The following RREB1 variants were observed in gnomAD, a reference collection of about 807,000 sequenced individuals.
RREB1 encodes the protein ras-responsive element-binding protein 1.
Under a neutral mutation model 117.8 loss-of-function variants are expected in RREB1, and 27 were observed. That is an observed-to-expected ratio of 0.23 (90% CI 0.17 to 0.32). The LOEUF (loss-of-function observed/expected upper bound fraction) is 0.32. Among genes scored for constraint, RREB1 ranks in the 10% least tolerant of loss-of-function variants. RREB1 has a pLI of 1.00. For synonymous variants in RREB1, 1,298 were observed against 1,026.7 expected (o/e 1.26, Z -5.05); for missense variants, 2,577 against 2,378.2 (o/e 1.08, Z -1.74).
At chr6:7,117,136 T>C (rs1220098002) in intron 1 of RREB1, among the ~76,000 whole-genome samples, 1 of 152,238 alleles carries the variant, frequency 6.6e-6, no homozygotes, top group Non-Finnish European at 1.5e-5. Flanking sequence ...TGTCTGTGTA[T>C]GTGCAGTATA....
chr6:7,140,216 G>C (rs1321908035), intron 1 of RREB1, among the ~76,000 whole-genome samples: 1 of 152,158 alleles, frequency 6.6e-6, no homozygotes, highest in Non-Finnish European at 1.5e-5. Context: ...TGATTGGCAA[G>C]GCAAGTGACT....
chr6:7,146,289 A>T (rs764248399), intron 1 of RREB1, among the ~76,000 whole-genome samples: 3 of 151,980 alleles, frequency 2.0e-5, no homozygotes, highest in Non-Finnish European at 1.5e-5. Context: ...CATGTAACAT[A>T]GGCCCCATTC....
At position 7,230,531 on chromosome 6, in the gene RREB1, A is replaced by G. The variant is rs2113113818; in HGVS notation, c.2432A>G (p.Lys811Arg). 1 of 1,596,358 alleles carries G rather than the reference A, an allele frequency of 6.3e-7. No homozygotes were observed. Among genetic ancestry groups the G allele is most frequent in the Non-Finnish European group, 8.5e-7 (1 of 1,176,378 alleles). The change falls in exon 10 of 13, where the codon AAG becomes AGG. Residue 811 changes from lysine to arginine, a missense_variant. Physicochemically the swap from Lys to Arg is conservative, Grantham distance 26. Transcript: ENST00000379938. Reference sequence around the variant, plus strand: ...CGCAACTGCATCCACCACATCCTCAAGCAGCACCTGCACGTGCCCGAGCAG... The same window carrying G: ...CGCAACTGCATCCACCACATCCTCAGGCAGCACCTGCACGTGCCCGAGCAG... ...AKRNCIHHILKQHLHVPEQDI... is the reference protein window; with the variant it reads ...AKRNCIHHILRQHLHVPEQDI...
chr6:7,242,929 G>C (rs910464901), intron 11 of RREB1, among the ~76,000 whole-genome samples: 17 of 152,178 alleles, frequency 1.1e-4, no homozygotes, highest in African/African-American at 4.1e-4. Flanking sequence ...TTCATTCACT[G>C]TCCTGGACAG....
intron 1 of RREB1, among the ~76,000 whole-genome samples, chr6:7,112,952 G>T (rs185825832): frequency 1.3e-5 from 2 of 152,174 alleles, no homozygotes; most frequent in African/African-American, 4.8e-5. Flanking sequence ...GACTGGGAGC[G>T]ATCGGTGCAT....
At chr6:7,154,562 T>G (rs576270647) in intron 1 of RREB1, among the ~76,000 whole-genome samples, 1 of 152,254 alleles carries the variant, frequency 6.6e-6, no homozygotes, top group South Asian at 2.1e-4. Flanking sequence ...TTTAGCACTT[T>G]ATAGATTTGA....
chr6:7,119,083 G>C (rs2113305628), intron 1 of RREB1, among the ~76,000 whole-genome samples: 1 of 152,176 alleles, frequency 6.6e-6, no homozygotes, highest in East Asian at 1.9e-4. Flanking sequence ...AAGCCTCGTA[G>C]AGGATATATT....
In RREB1 at chr6:7,246,017, T is replaced by C. The variant is rs142311245; in HGVS notation, c.3974-407T>C. On this transcript the variant is annotated intron_variant, in intron 11 of 12. Transcript: ENST00000379938. ...TATGTTGCATGTTTGTATGATCTCT[T>C]TGCACTGGAAAAATAACTTATAACT... Among the ~76,000 whole-genome samples the C allele has an allele frequency of 5.9e-5, 9 of 152,276 alleles. No individual in the cohort carries two copies. The East Asian group carries it at 1.5e-3, about 26-fold the overall frequency.
chr6:7,248,517 G>A lies in RREB1; in HGVS notation c.4778G>A (p.Arg1593Lys). 3 of 1,614,058 alleles carry A rather than the reference G, an allele frequency of 1.9e-6. No individual in the cohort carries two copies. Among genetic ancestry groups the A allele is most frequent in the Non-Finnish European group, 2.5e-6 (3 of 1,179,884 alleles). ...TRHMRSHTGE[R>K]PYKCQTCERT... ...CTTTCTTCCATTGTTCCAGGGGAAA[G>A]GCCATACAAATGTCAGACCTGCGAG... Residue 1593 changes from arginine to lysine, a missense_variant, in exon 13 of 13, where the codon AGG becomes AAG. By Grantham distance (26) the Arg-to-Lys change is conservative. Transcript: ENST00000379938.
intron 2 of RREB1, among the ~76,000 whole-genome samples, chr6:7,177,521 A>G (rs982092648): frequency 6.6e-6 from 1 of 151,960 alleles, no homozygotes; most frequent in African/African-American, 2.4e-5. Flanking sequence ...AAGAGATTAT[A>G]TTAGAATATG....
intron 1 of RREB1, among the ~76,000 whole-genome samples, chr6:7,147,594 T>C (rs1034158038): frequency 1.3e-5 from 2 of 152,220 alleles, no homozygotes; most frequent in African/African-American, 4.8e-5. Context: ...TGACAGTTAA[T>C]TGTACCATCC....
chr6:7,181,681 G>C, intron 3 of RREB1, 189 bp from the exon 4 acceptor site: 1 of 618,898 alleles, frequency 1.6e-6, no homozygotes, highest in Non-Finnish European at 2.8e-6. Flanking sequence ...CTTCGTCCTT[G>C]GTATGCCAAG....
intron 1 of RREB1, among the ~76,000 whole-genome samples, chr6:7,131,363 G>A (rs1335263927): frequency 6.6e-6 from 1 of 152,192 alleles, no homozygotes; most frequent in African/African-American, 2.4e-5. Flanking sequence ...TTTGGAAGGT[G>A]GCATTTGGGG....
In RREB1 at chr6:7,230,577, G is replaced by A. The variant is rs201128246; in HGVS notation, c.2478G>A (p.Leu826=). ...AGCAGGACATCGAGAGCTACGTGCT[G>A]GCCGCCGACGGCCTGGGCCCCGCAG... ...VPEQDIESYV[L]AADGLGPAEA... is the part of the protein sequence containing the mutation. Residue 826 remains leucine, a synonymous_variant, in exon 10 of 13, where the codon CTG becomes CTA. Coordinates refer to ENST00000379938, the MANE Select transcript of RREB1 (RefSeq NM_001003699.4). 5 of 1,601,442 alleles carry A rather than the reference G, an allele frequency of 3.1e-6. No homozygotes were observed. The East Asian group carries it at 6.7e-5, about 22-fold the overall frequency.
intron 1 of RREB1, among the ~76,000 whole-genome samples, chr6:7,168,693 TG>T (rs1764073523): frequency 1.3e-5 from 2 of 152,358 alleles, no homozygotes; most frequent in African/African-American, 4.8e-5. Flanking sequence ...CTGCAGCTTT[TG>T]TAGCTGGCTC....
At chr6:7,146,998 T>C (rs531562465) in intron 1 of RREB1, among the ~76,000 whole-genome samples, 1 of 152,350 alleles carries the variant, frequency 6.6e-6, no homozygotes, top group East Asian at 1.9e-4. Context: ...TTGTAGTTTA[T>C]GGTCTCCAGT....
chr6:7,233,878 G>A (rs1314436729), intron 10 of RREB1, among the ~76,000 whole-genome samples: 1 of 152,194 alleles, frequency 6.6e-6, no homozygotes, highest in Non-Finnish European at 1.5e-5. Context: ...AATGGAGCCT[G>A]GGGAGGGAGA....
rs1272999186 is a variant in RREB1 at position 7,246,538 on chromosome 6, A to T, written c.4088A>T (p.Asp1363Val). Residue 1363 changes from aspartate (D) to valine (V), a missense_variant, in exon 12 of 13, where the codon GAT becomes GTT. Asp to Val is a radical substitution (Grantham distance 152, BLOSUM62 -3). Transcript: ENST00000379938. ...GATELRQVAG[D>V]APVEQATAET... ...ACTGAGCTCCGCCAGGTCGCAGGGG[A>T]TGCGCCTGTGGAGCAGGCCACGGCG... 1.3e-6 allele frequency: 2 copies of T among 1,547,640 alleles called. No individual in the cohort carries two copies. Among genetic ancestry groups the T allele is most frequent in the Non-Finnish European group, 1.7e-6 (2 of 1,146,394 alleles).
chr6:7,109,072 G>C (rs1464127417), intron 1 of RREB1, among the ~76,000 whole-genome samples: 3 of 151,822 alleles, frequency 2.0e-5, no homozygotes, highest in Non-Finnish European at 4.4e-5. Flanking sequence ...GAAGGAGGCC[G>C]GGAGCATCCG....
Sources: gnomAD v4.1 joint callset for allele counts (sites outside exome capture counted in the v4.1 genomes callset) on GRCh38, gnomAD v4.1.1 for gene constraint, MANE v1.5 for transcripts, NCBI Gene and HGNC (gene_info 2026-07-23, HGNC 2026-07-21) for gene names.